GLIS3: variants seen among roughly 807,000 people sequenced by gnomAD.
The protein encoded by GLIS3 is zinc finger protein GLIS3.
In GLIS3, 53 loss-of-function variants were observed where a neutral mutation model predicts 78.6. The ratio of observed to expected loss-of-function variants is 0.67; its 90% CI spans 0.54 to 0.85. The LOEUF is 0.85. GLIS3 is among the 40% of genes least tolerant of loss of function. The pLI is 0.00. For synonymous variants in GLIS3, 684 were observed against 509.9 expected, an observed-to-expected ratio of 1.34 and a Z score of -4.60; for missense variants, 1,703 against 1,231.1, an observed-to-expected ratio of 1.38 and a Z score of -5.74.
chr9:4,001,079 C>T (rs1468659105), intron 4 of GLIS3, among the ~76,000 whole-genome samples: 1 of 152,196 alleles, frequency 6.6e-6, no homozygotes, highest in East Asian at 1.9e-4. Flanking sequence ...GTGCCAGGCA[C>T]TAAATTTACC....
intron 2 of GLIS3, among the ~76,000 whole-genome samples, chr9:4,326,197 G>A (rs10974464): frequency 1.6e-4 from 25 of 151,982 alleles, no homozygotes; most frequent in Non-Finnish European, 2.9e-4. Context: ...ACGTGTACCC[G>A]GGAACTTAAA....
chr9:3,897,826 C>T (rs1998508), intron 7 of GLIS3, among the ~76,000 whole-genome samples: 21,914 of 152,100 alleles, frequency 0.14, 1,843 homozygotes, highest in Non-Finnish European at 0.18. Flanking sequence ...TCATACTTTT[C>T]GAAAGAAAAA....
chr9:4,483,093 T>C, the GLIS3 span, among the ~76,000 whole-genome samples: 3 of 152,184 alleles, frequency 2.0e-5, no homozygotes, highest in African/African-American at 7.2e-5. Context: ...TTGAGATCAT[T>C]TGTGTCCATG....
intron 2 of GLIS3, among the ~76,000 whole-genome samples, chr9:4,262,261 G>C (rs1309219952): frequency 2.0e-5 from 3 of 152,074 alleles, no homozygotes; most frequent in Admixed American, 6.5e-5. Context: ...CAAGATATAA[G>C]GTAAAAATCC....
At chr9:4,094,966 T>C (rs943367169) in intron 4 of GLIS3, among the ~76,000 whole-genome samples, 21 of 152,210 alleles carry the variant, frequency 1.4e-4, no homozygotes, top group African/African-American at 5.1e-4. Flanking sequence ...ATGTAATACA[T>C]AGTGATCAGA....
chr9:4,369,613 G>C, the GLIS3 span, among the ~76,000 whole-genome samples: 21 of 152,142 alleles, frequency 1.4e-4, no homozygotes, highest in African/African-American at 4.6e-4. Flanking sequence ...GTAGGCCCTT[G>C]TGCAAGCAGT....
chr9:4,003,615 T>C (rs1821295434), intron 4 of GLIS3, among the ~76,000 whole-genome samples: 1 of 152,216 alleles, frequency 6.6e-6, no homozygotes, highest in East Asian at 1.9e-4. Flanking sequence ...TTTGAGTGTC[T>C]CTAAGTCTCT....
intron 4 of GLIS3, among the ~76,000 whole-genome samples, chr9:4,083,772 A>G (rs1050180451): frequency 6.6e-6 from 1 of 152,226 alleles, no homozygotes; most frequent in African/African-American, 2.4e-5. Context: ...GGAGAGCTAT[A>G]AAAATTACCC....
the GLIS3 span, among the ~76,000 whole-genome samples, chr9:4,416,390 G>C: frequency 4.0e-5 from 6 of 151,410 alleles, no homozygotes; most frequent in Admixed American, 3.9e-4. Flanking sequence ...ATAAATGTAA[G>C]GGAAAACAAA....
At chr9:4,429,829 G>A in the GLIS3 span, among the ~76,000 whole-genome samples, 1 of 152,094 alleles carries the variant, frequency 6.6e-6, no homozygotes, top group African/African-American at 2.4e-5. Context: ...GGCCCTACAG[G>A]AGAAGATGAG....
At chr9:4,431,634 C>G in the GLIS3 span, among the ~76,000 whole-genome samples, 2 of 152,138 alleles carry the variant, frequency 1.3e-5, no homozygotes, top group South Asian at 4.1e-4. Context: ...CACTTGAGAT[C>G]AGGAGTTCGA....
At chr9:4,088,150 A>G (rs748470744) in intron 4 of GLIS3, among the ~76,000 whole-genome samples, 10 of 152,244 alleles carry the variant, frequency 6.6e-5, no homozygotes, top group Non-Finnish European at 1.5e-4. Context: ...GAAAGAATAA[A>G]GAAGAAGGGA....
chr9:4,117,455 G>A lies in GLIS3; in HGVS notation c.1710+313C>T, dbSNP rs371108911. On this transcript the variant is annotated intron_variant, in intron 4 of 10. Transcript: ENST00000381971. ...GTGCAATCTGTGTCCTTCTGCTCTT[G>A]CACATCCATACACATTAAGGAAATT... is the stretch of plus-strand genomic sequence containing the variant. 9.8e-4 allele frequency among the ~76,000 whole-genome samples: 150 copies of A among 152,312 alleles called. 2 individuals carry two copies. In the South Asian group the frequency reaches 0.03, roughly 30 times the overall value.
intron 2 of GLIS3, among the ~76,000 whole-genome samples, chr9:4,226,295 C>G (rs973714272): frequency 2.4e-4 from 36 of 152,234 alleles, no homozygotes; most frequent in Middle Eastern, 6.8e-3. Context: ...TGCATTCTTC[C>G]CAACTAAACT....
At chr9:3,909,719 T>C (rs919299973) in intron 6 of GLIS3, among the ~76,000 whole-genome samples, 4 of 152,140 alleles carry the variant, frequency 2.6e-5, no homozygotes, top group Non-Finnish European at 5.9e-5. Flanking sequence ...GAAATGATGA[T>C]TTATGGAAAT....
intron 1 of GLIS3, among the ~76,000 whole-genome samples, chr9:4,291,703 T>G (rs185745464): frequency 6.6e-6 from 1 of 152,114 alleles, no homozygotes; most frequent in African/African-American, 2.4e-5. Context: ...AGAAGCAGCA[T>G]TGAGAGCCTT....
rs756056682 is a variant in GLIS3, at chr9:3,879,471, G to A, written c.2253C>T (p.Ser751=). 5 of 1,614,038 alleles carry A rather than the reference G, an allele frequency of 3.1e-6. No individual in the cohort carries two copies. The highest frequency in any genetic ancestry group is 4.2e-6 in the Non-Finnish European group (5 of 1,180,018). The part of the protein sequence containing the change: ...HNVQGSPHNP[S]SQLPPLTAVD... ...CAGCTGTGAGTGGAGGTAACTGGGA[G>A]GAGGGGTTGTGAGGGCTCCCCTGTA... The change falls in exon 8 of 11, where the codon TCC becomes TCT. Residue 751 remains serine, a synonymous_variant. Transcript: ENST00000381971.
At position 3,824,920 on chromosome 9, in the gene GLIS3, C is replaced by T. The variant is rs74896551; in HGVS notation, c.*3352G>A. The T allele has an allele frequency of 6.9e-5, 3 of 43,342 alleles. No homozygotes were observed. In the South Asian group the frequency reaches 2.3e-3, roughly 33 times the overall value. The allele number at this position is 43,342 out of a possible 1,614,324, so 2.7% of individuals were successfully genotyped here. A position where few individuals can be genotyped will look rare whatever the true frequency, so the allele number is the denominator to read the frequency against. On this transcript the variant is annotated 3_prime_UTR_variant, in exon 11 of 11. Coordinates refer to ENST00000381971, the MANE Select transcript of GLIS3 (RefSeq NM_001042413.2). ...TTTTTTTTTTTTGCTTCATCTGTTG[C>T]AAAAAAAAAAAAAAATAATAACCGC...
At chr9:4,204,639 C>T (rs72691834) in intron 2 of GLIS3, among the ~76,000 whole-genome samples, 18,043 of 152,004 alleles carry the variant, frequency 0.12, 1,452 homozygotes, top group African/African-American at 0.24. Context: ...GGAATCAGGC[C>T]GGGCACAGTG....
Sources: allele counts gnomAD v4.1 joint callset (sites outside exome capture counted in the v4.1 genomes callset), GRCh38; gene constraint gnomAD v4.1.1; transcripts MANE v1.5; gene names NCBI Gene and HGNC (gene_info 2026-07-23, HGNC 2026-07-21).